Variants in SLIT3 observed in about 807,000 individuals in gnomAD.
The protein encoded by SLIT3 is slit homolog 3 protein.
A neutral mutation model predicts 184.0 loss-of-function variants in SLIT3; 68 were observed. That is an observed-to-expected ratio of 0.37 (90% CI 0.30 to 0.45). The LOEUF is 0.45. Ranked by LOEUF, SLIT3 falls within the 20% of genes least tolerant of loss-of-function variation. The pLI is 1.00. For missense variants in SLIT3, 1,707 were observed against 2,026.0 expected, an observed-to-expected ratio of 0.84 and a Z score of 3.02; for synonymous variants, 831 against 828.6, an observed-to-expected ratio of 1.00 and a Z score of -0.05.
chr5:168,972,378 A>G (rs1049809846), intron 4 of SLIT3, among the ~76,000 whole-genome samples: 160 of 33,810 alleles, frequency 4.7e-3, no homozygotes, highest in African/African-American at 0.013. Context: ...TGTGTGTGTG[A>G]AGAGAGAAAT....
intron 16 of SLIT3, 40 bp downstream of exon 16, chr5:168,760,822 G>A (rs1325922404): frequency 6.8e-7 from 1 of 1,476,174 alleles, no homozygotes; most frequent in African/African-American, 1.4e-5. Flanking sequence ...GCTCTGGCTA[G>A]AGAACAGAGG....
At chr5:168,753,555 G>A (rs1754791102) in intron 17 of SLIT3, among the ~76,000 whole-genome samples, 1 of 152,232 alleles carries the variant, frequency 6.6e-6, no homozygotes, top group Admixed American at 6.5e-5. Context: ...GTGGGTAAAT[G>A]TCTGTTTGTG....
chr5:168,915,220 C>T (rs967541077), intron 4 of SLIT3, among the ~76,000 whole-genome samples: 3 of 152,108 alleles, frequency 2.0e-5, no homozygotes, highest in East Asian at 1.9e-4. Flanking sequence ...TATATTTAAA[C>T]GAAGTGTGGA....
At chr5:169,220,212 C>T (rs999436569) in intron 3 of SLIT3, among the ~76,000 whole-genome samples, 1 of 152,000 alleles carries the variant, frequency 6.6e-6, no homozygotes, top group African/African-American at 2.4e-5. Context: ...TGTATAGCCA[C>T]TGGTCCCATG....
intron 4 of SLIT3, among the ~76,000 whole-genome samples, chr5:169,000,648 A>G (rs755041224): frequency 2.6e-4 from 39 of 152,194 alleles, no homozygotes; most frequent in Non-Finnish European, 4.6e-4. Flanking sequence ...AATATGATAC[A>G]GAGTTGAACG....
intron 4 of SLIT3, among the ~76,000 whole-genome samples, chr5:169,078,903 T>A (rs982548987): frequency 1.3e-5 from 2 of 152,214 alleles, no homozygotes; most frequent in Admixed American, 1.3e-4. Flanking sequence ...AGAAATAAAC[T>A]AAGACTTGGA....
At chr5:169,113,845 G>A (rs910738422) in intron 4 of SLIT3, among the ~76,000 whole-genome samples, 1 of 151,728 alleles carries the variant, frequency 6.6e-6, no homozygotes, top group Non-Finnish European at 1.5e-5. Context: ...TAGTAGAGGC[G>A]GGGTTTCACC....
chr5:169,147,680 C>A (rs1761970845), intron 4 of SLIT3, among the ~76,000 whole-genome samples: 1 of 152,156 alleles, frequency 6.6e-6, no homozygotes, highest in Non-Finnish European at 1.5e-5. Context: ...GAGTTCTTGG[C>A]CCTCTGCCCC....
intron 4 of SLIT3, among the ~76,000 whole-genome samples, chr5:168,929,453 C>G (rs1366022391): frequency 6.6e-6 from 1 of 152,172 alleles, no homozygotes; most frequent in African/African-American, 2.4e-5. Context: ...AACTGAGGTA[C>G]AGTGCAGTTA....
chr5:168,814,821 C>T (rs1757279099), intron 8 of SLIT3, among the ~76,000 whole-genome samples: 1 of 152,230 alleles, frequency 6.6e-6, no homozygotes, highest in Non-Finnish European at 1.5e-5. Flanking sequence ...GCATGTTCCA[C>T]ATGCACCTGA....
intron 4 of SLIT3, among the ~76,000 whole-genome samples, chr5:169,004,889 C>A (rs527940854): frequency 1.3e-5 from 2 of 152,268 alleles, no homozygotes; most frequent in South Asian, 2.1e-4. Context: ...GGCACCCTGA[C>A]CTTGAACCTC....
intron 19 of SLIT3, 53 bp from the exon 20 acceptor site, chr5:168,748,487 G>T: frequency 6.8e-7 from 1 of 1,481,236 alleles, no homozygotes. Flanking sequence ...CCCCACTAGG[G>T]GGAGCCAGTG....
chr5:168,875,283 G>T (rs1759690819), intron 5 of SLIT3, among the ~76,000 whole-genome samples: 1 of 151,698 alleles, frequency 6.6e-6, no homozygotes. Context: ...AAGAAAACAG[G>T]AAAGAAGGGA....
At chr5:168,754,460 A>G (rs1028943599) in intron 16 of SLIT3, among the ~76,000 whole-genome samples, 9 of 152,328 alleles carry the variant, frequency 5.9e-5, no homozygotes, top group African/African-American at 1.9e-4. Flanking sequence ...GGGAGACAGT[A>G]GAAGGATGGT....
intron 1 of SLIT3, among the ~76,000 whole-genome samples, chr5:169,268,736 G>A (rs774198539): frequency 2.8e-4 from 42 of 152,134 alleles, no homozygotes; most frequent in Non-Finnish European, 7.3e-5. Flanking sequence ...GAACCTCAGA[G>A]GGTTTTTGAG....
chr5:168,747,708 A>G (rs934731726), intron 20 of SLIT3, among the ~76,000 whole-genome samples: 3 of 152,114 alleles, frequency 2.0e-5, no homozygotes, highest in African/African-American at 7.2e-5. Flanking sequence ...TTTCTGGTGC[A>G]GAAACAGGAC....
chr5:168,770,746 C>T (rs1472033348), intron 14 of SLIT3, among the ~76,000 whole-genome samples: 2 of 152,048 alleles, frequency 1.3e-5, no homozygotes, highest in African/African-American at 4.8e-5. Flanking sequence ...GCTTCCCCTC[C>T]CCCACATAGG....
At chr5:169,069,612 G>A (rs1242136375) in intron 4 of SLIT3, among the ~76,000 whole-genome samples, 1 of 152,150 alleles carries the variant, frequency 6.6e-6, no homozygotes, top group Non-Finnish European at 1.5e-5. Context: ...CTCTATGTGC[G>A]GTAAGGTTAT....
intron 4 of SLIT3, among the ~76,000 whole-genome samples, chr5:169,034,184 C>T (rs1198030091): frequency 6.6e-6 from 1 of 151,942 alleles, no homozygotes; most frequent in Non-Finnish European, 1.5e-5. Context: ...TATTTTTTTC[C>T]CAACCCATAA....
Sources: gnomAD v4.1 joint callset for allele counts (sites outside exome capture counted in the v4.1 genomes callset) on GRCh38, gnomAD v4.1.1 for gene constraint, MANE v1.5 for transcripts, NCBI Gene and HGNC (gene_info 2026-07-23, HGNC 2026-07-21) for gene names.